CELF2: variants seen among roughly 807,000 people sequenced by gnomAD.
The protein encoded by CELF2 is CUGBP Elav-like family member 2.
A neutral mutation model predicts 62.6 loss-of-function variants in CELF2; 8 were observed. The ratio of observed to expected loss-of-function variants is 0.13; its 90% confidence interval spans 0.07 to 0.23. The LOEUF (loss-of-function observed/expected upper bound fraction) is 0.23. Among genes scored for constraint, CELF2 ranks in the 10% least tolerant of loss-of-function variants. The pLI is 1.00. For synonymous variants in CELF2, 258 were observed against 250.0 expected, an observed-to-expected ratio of 1.03 and a Z score of -0.30; for missense variants, 333 against 671.0, an observed-to-expected ratio of 0.50 and a Z score of 5.56.
chr10:10,906,338 T>C (rs1475155490), intron 1 of CELF2, among the ~76,000 whole-genome samples: 1 of 152,232 alleles, frequency 6.6e-6, no homozygotes, highest in Non-Finnish European at 1.5e-5. Flanking sequence ...CCATCTTTGC[T>C]GATGCGGTGT....
chr10:10,766,946 C>T, the CELF2 span, among the ~76,000 whole-genome samples: 1 of 152,206 alleles, frequency 6.6e-6, no homozygotes, highest in Non-Finnish European at 1.5e-5. Flanking sequence ...TCATTTCTCA[C>T]TGCCAACGGT....
chr10:10,647,661 C>A, the CELF2 span, among the ~76,000 whole-genome samples: 1 of 152,226 alleles, frequency 6.6e-6, no homozygotes, highest in African/African-American at 2.4e-5. Context: ...TATCCCCGGG[C>A]CTTGGAGAAA....
chr10:10,868,323 G>A (rs1332544329), intron 1 of CELF2, among the ~76,000 whole-genome samples: 3 of 152,178 alleles, frequency 2.0e-5, no homozygotes, highest in Admixed American at 6.5e-5. Context: ...GGAAGTTGAC[G>A]CTGGCTGGGA....
chr10:11,256,573 CTTT>C (rs374817123), intron 4 of CELF2, among the ~76,000 whole-genome samples: 4 of 100,906 alleles, frequency 4.0e-5, no homozygotes, highest in Non-Finnish European at 6.6e-5. Context: ...TGGCTAGCTT[CTTT>C]TTTTTTTTTT....
chr10:11,197,028 A>AGGAAG (rs2057913830), intron 2 of CELF2, among the ~76,000 whole-genome samples: 3 of 20,958 alleles, frequency 1.4e-4, no homozygotes, highest in African/African-American at 7.8e-4. Context: ...AAGAAAGAAA[A>AGGAAG]GAAAGAAAGA....
At chr10:11,048,954 G>A (rs976936) in intron 1 of CELF2, among the ~76,000 whole-genome samples, 24,284 of 152,108 alleles carry the variant, frequency 0.16, 3,152 homozygotes, top group East Asian at 0.64. Context: ...TTACAGCCCC[G>A]TCTTTGTCTC....
chr10:11,168,354 T>A (rs543840374), intron 2 of CELF2, among the ~76,000 whole-genome samples: 55 of 152,304 alleles, frequency 3.6e-4, no homozygotes, highest in Admixed American at 6.5e-4. Context: ...ATCTCTGTTG[T>A]GAAGGTATTT....
the CELF2 span, among the ~76,000 whole-genome samples, chr10:10,590,280 T>C: frequency 6.6e-6 from 1 of 152,228 alleles, no homozygotes; most frequent in African/African-American, 2.4e-5. Context: ...AAGAAAAGAT[T>C]GGCTATTTGA....
At chr10:11,203,874 C>T (rs1201356005) in intron 2 of CELF2, among the ~76,000 whole-genome samples, 2 of 152,202 alleles carry the variant, frequency 1.3e-5, no homozygotes, top group African/African-American at 4.8e-5. Context: ...TTCATTGATA[C>T]TACAGCGTAA....
chr10:10,666,241 G>A, the CELF2 span, among the ~76,000 whole-genome samples: 1 of 152,124 alleles, frequency 6.6e-6, no homozygotes, highest in African/African-American at 2.4e-5. Flanking sequence ...GCTACTGAAT[G>A]TGCAGCATTT....
intron 2 of CELF2, among the ~76,000 whole-genome samples, chr10:10,925,523 C>T (rs546446334): frequency 2.0e-5 from 3 of 152,122 alleles, no homozygotes; most frequent in East Asian, 3.9e-4. Flanking sequence ...AAGAAGGTAC[C>T]GATCATCCCA....
Position 11,290,544 on chromosome 10 carries a change from G to A in CELF2, c.976+1992G>A, listed in dbSNP as rs577426872. Among the ~76,000 whole-genome samples, 4 of 152,154 alleles carry A rather than the reference G, an allele frequency of 2.6e-5. No homozygotes were observed. The highest frequency in any genetic ancestry group is 4.2e-4 in the South Asian group (2 of 4,812). On this transcript the variant is annotated intron_variant, in intron 9 of 12. Transcript: ENST00000633077. The surrounding 1 kb of genome is among the most constrained non-coding windows in gnomAD (Gnocchi z 4.3). ...CCGTCTAAAAAAAAAAAAAAAATGT[G>A]GGCCACTCAGACGGTCTAGGGCGAC...
chr10:10,640,733 T>C, the CELF2 span, among the ~76,000 whole-genome samples: 1 of 152,200 alleles, frequency 6.6e-6, no homozygotes, highest in Non-Finnish European at 1.5e-5. Context: ...TTGTTAGCAT[T>C]CTCATACTAT....
At chr10:11,204,558 G>A (rs563606947) in intron 2 of CELF2, among the ~76,000 whole-genome samples, 1 of 152,324 alleles carries the variant, frequency 6.6e-6, no homozygotes, top group African/African-American at 2.4e-5. Context: ...GGGCCGGTGG[G>A]GGGACCCAGG....
At chr10:10,498,401 G>A in the CELF2 span, among the ~76,000 whole-genome samples, 2 of 152,226 alleles carry the variant, frequency 1.3e-5, no homozygotes, top group South Asian at 4.1e-4. Flanking sequence ...GCTAACAATG[G>A]TGAAAGTTGG....
intron 1 of CELF2, among the ~76,000 whole-genome samples, chr10:11,123,228 G>C (rs1034096961): frequency 4.6e-5 from 7 of 152,008 alleles, no homozygotes. Flanking sequence ...CCAATTCTGA[G>C]TCAGGGTTTG....
the CELF2 span, among the ~76,000 whole-genome samples, chr10:10,638,840 T>C: frequency 1.3e-5 from 2 of 152,210 alleles, no homozygotes; most frequent in South Asian, 2.1e-4. Context: ...CTATGTGGAC[T>C]GAAATAAAAT....
rs2095613765 is a variant in CELF2 at position 11,324,345 on chromosome 10, C to G, written c.1295-1491C>G. 6.6e-6 allele frequency among the ~76,000 whole-genome samples: 1 copy of G among 152,190 alleles called. No individual in the cohort carries two copies. Among genetic ancestry groups the G allele is most frequent in the Non-Finnish European group, 1.5e-5 (1 of 68,030 alleles). On this transcript the variant is annotated intron_variant, in intron 11 of 12. Transcript: ENST00000633077. The surrounding 1 kb of genome is among the most constrained non-coding windows in gnomAD (Gnocchi z 4.7). ...AAATCTGACCATCAGACATACCACC[C>G]AGGATGTGCACACACAGCAGTGCTC...
At chr10:10,904,757 C>T (rs1312003494) in intron 1 of CELF2, among the ~76,000 whole-genome samples, 1 of 152,164 alleles carries the variant, frequency 6.6e-6, no homozygotes, top group South Asian at 2.1e-4. Flanking sequence ...TACAGTTTTA[C>T]CCCATACCCT....
Sources: gnomAD v4.1 joint callset for allele counts (sites outside exome capture counted in the v4.1 genomes callset) on GRCh38, gnomAD v4.1.1 for gene constraint, Gnocchi (gnomAD v3.1) non-coding constraint, MANE v1.5 for transcripts, NCBI Gene and HGNC (gene_info 2026-07-23, HGNC 2026-07-21) for gene names.